MBNL1: variants seen among roughly 807,000 people sequenced by gnomAD.
MBNL1 encodes the protein muscleblind like splicing regulator 1, also known as muscleblind-like protein 1.
Under a neutral mutation model 42.2 loss-of-function variants are expected in MBNL1, and 8 were observed. The ratio of observed to expected loss-of-function variants is 0.19; its 90% confidence interval spans 0.11 to 0.34. The LOEUF (loss-of-function observed/expected upper bound fraction) is 0.34, where lower values mean the gene tolerates loss of function less well. MBNL1 is among the 10% of genes least tolerant of loss of function. MBNL1 has a pLI of 1.00. For missense variants in MBNL1, 309 were observed against 495.3 expected (o/e 0.62, Z 3.57); for synonymous variants, 169 against 173.9 (o/e 0.97, Z 0.22).
chr3:152,382,818 C>T (rs1482545726), intron 2 of MBNL1, among the ~76,000 whole-genome samples: 1 of 152,064 alleles, frequency 6.6e-6, no homozygotes, highest in South Asian at 2.1e-4. Flanking sequence ...GCATTTTATT[C>T]AACTTCGTTT....
intron 2 of MBNL1, among the ~76,000 whole-genome samples, chr3:152,341,802 G>C (rs938722127): frequency 2.6e-5 from 4 of 152,142 alleles, no homozygotes; most frequent in African/African-American, 9.7e-5. Context: ...AAAAGAGGTG[G>C]CAAATATAGG....
chr3:152,419,321 C>T (rs2098759220), intron 3 of MBNL1, among the ~76,000 whole-genome samples: 1 of 152,134 alleles, frequency 6.6e-6, no homozygotes, highest in African/African-American at 2.4e-5. Context: ...GTCTGCAGCT[C>T]CCAGCAAGAT....
chr3:152,447,985 G>A (rs1713555581), intron 6 of MBNL1, among the ~76,000 whole-genome samples: 1 of 152,130 alleles, frequency 6.6e-6, no homozygotes, highest in Non-Finnish European at 1.5e-5. Context: ...AAGATCAGTG[G>A]TATTTTATAT....
At chr3:152,400,671 G>C (rs1186202163) in intron 2 of MBNL1, among the ~76,000 whole-genome samples, 1 of 152,114 alleles carries the variant, frequency 6.6e-6, no homozygotes, top group Non-Finnish European at 1.5e-5. Context: ...CTGGTCTTGA[G>C]ACCCTGTCCA....
intron 2 of MBNL1, among the ~76,000 whole-genome samples, chr3:152,413,796 T>G (rs2098643778): frequency 6.6e-6 from 1 of 152,200 alleles, no homozygotes; most frequent in African/African-American, 2.4e-5. Flanking sequence ...TCAAGGTGGT[T>G]GATGAGATCT....
intron 2 of MBNL1, among the ~76,000 whole-genome samples, chr3:152,381,689 C>A (rs550505406): frequency 6.1e-4 from 93 of 151,864 alleles, no homozygotes; most frequent in Non-Finnish European, 1.2e-3. Context: ...TAATTCTTTT[C>A]ATTCACATGT....
rs1328745375 is a variant in MBNL1, at chr3:152,439,217, C to A, written c.550-6065C>A. Among the ~76,000 whole-genome samples the A allele has an allele frequency of 2.0e-5, 3 of 152,092 alleles. No individual in the cohort carries two copies. In the East Asian group the frequency reaches 5.8e-4, roughly 29 times the overall value. On this transcript the variant is annotated intron_variant, in intron 4 of 9. Coordinates refer to ENST00000324210, the MANE Select transcript of MBNL1 (RefSeq NM_021038.5). ...TTACTTACACAGAAGAATCTAATAA[C>A]CCTTTTCATGTAGGCAGAAAAAAAT...
At chr3:152,254,698 G>T (rs1393605188) in intron 2 of MBNL1, among the ~76,000 whole-genome samples, 1 of 151,780 alleles carries the variant, frequency 6.6e-6, no homozygotes, top group African/African-American at 2.4e-5. Flanking sequence ...AGATTATAAG[G>T]CCCTAAATAA....
chr3:152,352,443 AG>A (rs2095112932), intron 2 of MBNL1, among the ~76,000 whole-genome samples: 2 of 152,224 alleles, frequency 1.3e-5, no homozygotes, highest in Admixed American at 1.3e-4. Flanking sequence ...TCACGTCTCT[AG>A]GGCTGCCTTG....
At chr3:152,275,633 G>A (rs1332739855) in intron 1 of MBNL1, among the ~76,000 whole-genome samples, 2 of 150,618 alleles carry the variant, frequency 1.3e-5, no homozygotes, top group Admixed American at 6.6e-5. Flanking sequence ...GCTTGAACTC[G>A]GGAGGCGGAG....
At chr3:152,412,241 T>C (rs1317657575) in intron 2 of MBNL1, among the ~76,000 whole-genome samples, 1 of 152,214 alleles carries the variant, frequency 6.6e-6, no homozygotes, top group African/African-American at 2.4e-5. Flanking sequence ...AGAAGCAAAG[T>C]GTATCTAATA....
Position 152,433,707 on chromosome 3 carries a change from G to A in MBNL1, c.549+787G>A, listed in dbSNP as rs184901262. Among the ~76,000 whole-genome samples the A allele has an allele frequency of 8.7e-3, 1,246 of 143,014 alleles. 21 individuals are homozygous for A. Among genetic ancestry groups the A allele is most frequent in the African/African-American group, 0.031 (1,175 of 37,440 alleles). The allele number at this position is 143,014 out of a possible 152,430, so 93.8% of individuals were successfully genotyped here. A position where few individuals can be genotyped will look rare whatever the true frequency, so the allele number is the denominator to read the frequency against. On this transcript the variant is annotated intron_variant, in intron 4 of 9. Transcript: ENST00000324210. Reference sequence around the variant, plus strand: ...AGAGCTTGCAGTGAGCCGAGATCGCGCCACTGCACTCCAGCCTGGGCGACA... The same window carrying A: ...AGAGCTTGCAGTGAGCCGAGATCGCACCACTGCACTCCAGCCTGGGCGACA...
intron 3 of MBNL1, among the ~76,000 whole-genome samples, chr3:152,432,225 G>A (rs1258621796): frequency 6.6e-6 from 1 of 152,152 alleles, no homozygotes; most frequent in Non-Finnish European, 1.5e-5. Context: ...TACATTGACT[G>A]TGAAACTCTT....
chr3:152,330,429 G>A (rs747782393), intron 2 of MBNL1, among the ~76,000 whole-genome samples: 8 of 152,024 alleles, frequency 5.3e-5, no homozygotes, highest in African/African-American at 7.2e-5. Flanking sequence ...ATGACACCAG[G>A]ACAAAAATCT....
At chr3:152,409,088 C>G (rs993640981) in intron 2 of MBNL1, among the ~76,000 whole-genome samples, 4 of 152,084 alleles carry the variant, frequency 2.6e-5, no homozygotes, top group African/African-American at 9.7e-5. Flanking sequence ...TCAGTACTTG[C>G]AAAAGCCAGT....
At chr3:152,366,418 G>A (rs773926741) in intron 2 of MBNL1, among the ~76,000 whole-genome samples, 5 of 152,084 alleles carry the variant, frequency 3.3e-5, no homozygotes, top group Non-Finnish European at 5.9e-5. Flanking sequence ...ATTTTGCTGT[G>A]TGAGTCATCT....
chr3:152,255,688 C>A (rs976567661), intron 2 of MBNL1, among the ~76,000 whole-genome samples: 1 of 152,032 alleles, frequency 6.6e-6, no homozygotes, highest in Non-Finnish European at 1.5e-5. Context: ...TAAAGGACTT[C>A]TAGATAGTGA....
chr3:152,405,258 A>G (rs2098398952), intron 2 of MBNL1, among the ~76,000 whole-genome samples: 1 of 152,218 alleles, frequency 6.6e-6, no homozygotes, highest in Non-Finnish European at 1.5e-5. Context: ...ATATCCCTAC[A>G]GTAATGATTA....
chr3:152,383,436 A>G (rs1469775835), intron 2 of MBNL1, among the ~76,000 whole-genome samples: 1 of 152,078 alleles, frequency 6.6e-6, no homozygotes, highest in Non-Finnish European at 1.5e-5. Context: ...TATGCATTGT[A>G]CAGAGCCCAA....
Sources: gnomAD v4.1 joint callset for allele counts (sites outside exome capture counted in the v4.1 genomes callset) on GRCh38, gnomAD v4.1.1 for gene constraint, MANE v1.5 for transcripts, NCBI Gene and HGNC (gene_info 2026-07-23, HGNC 2026-07-21) for gene names.